Variants in ITPR2 observed in about 807,000 individuals in gnomAD.
ITPR2 encodes inositol 1,4,5-trisphosphate-gated calcium channel ITPR2.
A neutral mutation model predicts 317.1 loss-of-function variants in ITPR2; 207 were observed. The observed-to-expected ratio is 0.65, with a 90% CI of 0.58 to 0.73. The LOEUF (loss-of-function observed/expected upper bound fraction) is 0.73, where lower values mean the gene tolerates loss of function less well. Among genes scored for constraint, ITPR2 ranks in the 30% least tolerant of loss-of-function variants. The pLI is 0.00. For synonymous variants in ITPR2, 1,156 were observed against 1,149.1 expected (o/e 1.01, Z -0.12); for missense variants, 2,613 against 3,284.0 (o/e 0.80, Z 4.99).
At chr12:26,820,869 A>C (rs1950927829) in intron 1 of ITPR2, among the ~76,000 whole-genome samples, 1 of 152,348 alleles carries the variant, frequency 6.6e-6, no homozygotes, top group South Asian at 2.1e-4. Flanking sequence ...CAAGCCAGAC[A>C]CACAAAAGGA....
At chr12:26,571,547 C>T (rs886399627) in intron 34 of ITPR2, among the ~76,000 whole-genome samples, 5 of 152,296 alleles carry the variant, frequency 3.3e-5, no homozygotes, top group Admixed American at 6.5e-5. Flanking sequence ...ACAATGCACA[C>T]GGTATAAAAC....
rs186642371 is a variant in ITPR2 at position 26,483,286 on chromosome 12, T to A, written c.6012+412A>T. On this transcript the variant is annotated intron_variant, in intron 42 of 56. Coordinates refer to ENST00000381340, the MANE Select transcript of ITPR2 (RefSeq NM_002223.4). ...ACTTAATCTTTGGGTTAGAACCTAT[T>A]CATCAGCAAACTAGAAATAATGATA... 2.9e-4 allele frequency among the ~76,000 whole-genome samples: 44 copies of A among 152,326 alleles called. No homozygotes were observed. The East Asian group carries it at 3.7e-3, about 13-fold the overall frequency.
At chr12:26,795,892 G>A (rs950608097) in intron 1 of ITPR2, among the ~76,000 whole-genome samples, 3 of 151,674 alleles carry the variant, frequency 2.0e-5, no homozygotes, top group Non-Finnish European at 4.4e-5. Flanking sequence ...ACTGAGGCGG[G>A]AGAATCGCTT....
intron 9 of ITPR2, among the ~76,000 whole-genome samples, chr12:26,703,680 AAAAT>A (rs1437481169): frequency 6.6e-6 from 1 of 152,228 alleles, no homozygotes; most frequent in Non-Finnish European, 1.5e-5. Flanking sequence ...TGATTTTAAC[AAAAT>A]AAATCACCTC....
intron 2 of ITPR2, among the ~76,000 whole-genome samples, chr12:26,776,243 C>T (rs991870776): frequency 6.6e-6 from 1 of 152,040 alleles, no homozygotes; most frequent in Non-Finnish European, 1.5e-5. Context: ...TTTAGTGACT[C>T]TATATATAAT....
At chr12:26,671,887 A>G (rs1392668721) in intron 13 of ITPR2, among the ~76,000 whole-genome samples, 2 of 152,198 alleles carry the variant, frequency 1.3e-5, no homozygotes, top group African/African-American at 4.8e-5. Flanking sequence ...GAAAAAAGGC[A>G]GGGGTTGCAA....
intron 43 of ITPR2, among the ~76,000 whole-genome samples, chr12:26,479,794 C>G (rs1942504913): frequency 1.3e-5 from 2 of 152,126 alleles, no homozygotes; most frequent in Non-Finnish European, 2.9e-5. Flanking sequence ...AGCATTTAAG[C>G]TGGGTGTGGT....
chr12:26,338,583 A>T lies in ITPR2; in HGVS notation c.*814T>A, dbSNP rs1303357484. 1 of 152,276 alleles carries T rather than the reference A, an allele frequency of 6.6e-6. No homozygotes were observed. The highest frequency in any genetic ancestry group is 1.5e-5 in the Non-Finnish European group (1 of 68,042). 9.4% of individuals were successfully genotyped at this position (152,276 alleles called of 1,614,324 possible). A position where few individuals can be genotyped will look rare whatever the true frequency, so the allele number is the denominator to read the frequency against. On this transcript the variant is annotated 3_prime_UTR_variant, in exon 57 of 57. Coordinates refer to ENST00000381340, the MANE Select transcript of ITPR2 (RefSeq NM_002223.4). ...ATTAATCTCAATATATTTTAATAGC[A>T]TACATATGGTCTCAAAAAACCCTTT...
chr12:26,562,824 A>G (rs1277773453), intron 34 of ITPR2, among the ~76,000 whole-genome samples: 3 of 152,124 alleles, frequency 2.0e-5, no homozygotes, highest in African/African-American at 7.2e-5. Context: ...GTAAATGACA[A>G]GTTAATGGGT....
At chr12:26,389,117 T>C (rs1214287021) in intron 54 of ITPR2, among the ~76,000 whole-genome samples, 2 of 152,180 alleles carry the variant, frequency 1.3e-5, no homozygotes, top group African/African-American at 2.4e-5. Context: ...ATTACTGCAA[T>C]AGACTCCCAG....
intron 1 of ITPR2, among the ~76,000 whole-genome samples, chr12:26,814,223 C>T (rs953409594): frequency 1.3e-5 from 2 of 152,128 alleles, no homozygotes; most frequent in South Asian, 2.1e-4. Context: ...ATGCTGATGA[C>T]GCCGCAGAAT....
At chr12:26,721,199 A>T (rs79501431) in intron 5 of ITPR2, 1 of 424,618 alleles carries the variant, frequency 2.4e-6, no homozygotes, top group South Asian at 5.2e-5. Flanking sequence ...AAGAAAAAAA[A>T]GTAGGGTTTT....
chr12:26,528,961 T>C (rs1943880058), intron 37 of ITPR2, among the ~76,000 whole-genome samples: 1 of 152,192 alleles, frequency 6.6e-6, no homozygotes, highest in Non-Finnish European at 1.5e-5. Context: ...TATTGCACAT[T>C]CAGCCTCACA....
intron 39 of ITPR2, among the ~76,000 whole-genome samples, chr12:26,487,952 T>C (rs1248850857): frequency 2.0e-5 from 3 of 152,150 alleles, no homozygotes; most frequent in Admixed American, 1.3e-4. Context: ...AATAATGATG[T>C]AGAAATGGTT....
rs546210510 is a variant in ITPR2, at chr12:26,524,617, T to C, written c.5073+25630A>G. Among the ~76,000 whole-genome samples, 11 of 152,318 alleles carry C rather than the reference T, an allele frequency of 7.2e-5. No homozygotes were observed. The South Asian group carries it at 2.3e-3, about 32-fold the overall frequency. On this transcript the variant is annotated intron_variant, in intron 37 of 56. Coordinates refer to ENST00000381340, the MANE Select transcript of ITPR2 (RefSeq NM_002223.4). Reference sequence around the variant, plus strand: ...TTTAAATTTTTAAAAAACAGGTCTATGTACAGGATCTTGAACTCAAGTACA... The same window carrying C: ...TTTAAATTTTTAAAAAACAGGTCTACGTACAGGATCTTGAACTCAAGTACA...
chr12:26,702,892 G>T (rs1281088957), intron 9 of ITPR2, among the ~76,000 whole-genome samples: 1 of 144,132 alleles, frequency 6.9e-6, no homozygotes. Context: ...GGTGTTTTCC[G>T]CAATTCACCA....
intron 43 of ITPR2, among the ~76,000 whole-genome samples, chr12:26,479,457 T>C (rs1050579423): frequency 6.6e-6 from 1 of 152,116 alleles, no homozygotes; most frequent in Non-Finnish European, 1.5e-5. Flanking sequence ...TAATTACAAA[T>C]GAAATTTAAA....
At chr12:26,429,862 T>A (rs1941158816) in intron 48 of ITPR2, among the ~76,000 whole-genome samples, 1 of 152,254 alleles carries the variant, frequency 6.6e-6, no homozygotes, top group South Asian at 2.1e-4. Context: ...CTTTTCAGCA[T>A]AATTCATAAG....
chr12:26,811,728 C>A (rs893594709), intron 1 of ITPR2, among the ~76,000 whole-genome samples: 8 of 150,084 alleles, frequency 5.3e-5, no homozygotes, highest in African/African-American at 1.5e-4. Flanking sequence ...GTGGCGGGTA[C>A]CTGTAGTCCC....
Sources: allele counts gnomAD v4.1 joint callset (sites outside exome capture counted in the v4.1 genomes callset), GRCh38; gene constraint gnomAD v4.1.1; transcripts MANE v1.5; gene names NCBI Gene and HGNC (gene_info 2026-07-23, HGNC 2026-07-21).